The following AEN variants were observed in gnomAD, a reference collection of about 807,000 sequenced individuals.
AEN encodes apoptosis-enhancing nuclease.
In AEN, 21 loss-of-function variants were observed where a neutral mutation model predicts 17.7. That is an observed-to-expected ratio of 1.19 (90% CI 0.84 to 1.71). The LOEUF (loss-of-function observed/expected upper bound fraction) is 1.71, where lower values mean the gene tolerates loss of function less well. Ranked by LOEUF, AEN falls within the 40% of genes most tolerant of loss-of-function variation. The pLI, the probability that AEN is intolerant of heterozygous loss-of-function variation, is 0.00. For synonymous variants in AEN, 190 were observed against 173.0 expected (o/e 1.10, Z -0.77); for missense variants, 462 against 435.9 (o/e 1.06, Z -0.53).
In AEN at chr15:88,626,531, AGCAAGTGTGTGGCTATCGACTGTGAGATG is replaced by A. The variant is rs1567103984; in HGVS notation, c.324_352del (p.Lys109GlyfsTer26). 1 of 1,614,190 alleles carries A rather than the reference AGCAAGTGTGTGGCTATCGACTGTGAGATG, an allele frequency of 6.2e-7. No individual in the cohort carries two copies. The highest frequency in any genetic ancestry group is 8.5e-7 in the Non-Finnish European group (1 of 1,180,036). On this transcript the variant is annotated frameshift_variant, in exon 2 of 4. Coordinates refer to ENST00000332810, the MANE Select transcript of AEN (RefSeq NM_022767.4). LOFTEE classifies it high-confidence loss of function. ...CGGGAAAGCCTCAGGGCCCTTGCCC[AGCAAGTGTGTGGCTATCGACTGTGAGATG>A]GTGGGCACGGGACCCCGAGGGCGGG...
upstream of AEN, among the ~76,000 whole-genome samples, chr15:88,618,253 C>CT (rs2057754768): frequency 4.0e-5 from 2 of 49,650 alleles, no homozygotes; most frequent in Non-Finnish European, 1.9e-4. Flanking sequence ...TTCTTTTTTT[C>CT]TTCTTCAGCT....
intron 3 of AEN, 61 bp from the exon 4 acceptor site, chr15:88,629,997 C>G: frequency 1.9e-6 from 3 of 1,544,234 alleles, no homozygotes; most frequent in East Asian, 4.5e-5. Context: ...GGCCTTGCTT[C>G]TTGGGGTAAC....
At chr15:88,622,554 G>A (rs113681344) in intron 1 of AEN, among the ~76,000 whole-genome samples, 1,598 of 152,262 alleles carry the variant, frequency 0.01, 36 homozygotes, top group African/African-American at 0.036. Context: ...ACAAGAAAGG[G>A]CCATGATTGA....
chr15:88,630,367 A>C lies in AEN; in HGVS notation c.*73A>C. 2 of 1,417,810 alleles carry C rather than the reference A, an allele frequency of 1.4e-6. No individual in the cohort carries two copies. Among genetic ancestry groups the C allele is most frequent in the Non-Finnish European group, 1.9e-6 (2 of 1,034,262 alleles). The allele number at this position is 1,417,810 out of a possible 1,614,324, so 87.8% of individuals were successfully genotyped here. On this transcript the variant is annotated 3_prime_UTR_variant, in exon 4 of 4. Transcript: ENST00000332810. This position sits in a 1 kb window ranked among gnomAD's most constrained non-coding sequence, Gnocchi z 5.1. The stretch of plus-strand genomic sequence containing the variant: ...AGTGGGGGCCAGGAGAGCAGCGGGC[A>C]CTCCTTCCTGGGCAGGGTGGGGCAG...
chr15:88,606,848 C>A, the AEN span, among the ~76,000 whole-genome samples: 1 of 152,184 alleles, frequency 6.6e-6, no homozygotes, highest in Admixed American at 6.5e-5. Flanking sequence ...CCCCCCTCCA[C>A]CCCATGGCTT....
chr15:88,627,437 T>C (rs1291419151), intron 2 of AEN: 1 of 149,954 alleles, frequency 6.7e-6, no homozygotes, highest in East Asian at 2.0e-4. Flanking sequence ...AAAAAGGTAG[T>C]CCAGTTTTAC....
chr15:88,614,652 T>C, the AEN span, among the ~76,000 whole-genome samples: 1 of 152,168 alleles, frequency 6.6e-6, no homozygotes, highest in East Asian at 1.9e-4. Flanking sequence ...CAACTGCAGC[T>C]GTCAGGTTTC....
At position 88,626,444 on chromosome 15, in the gene AEN, A is replaced by T; in HGVS notation, c.235A>T (p.Ser79Cys). 6.2e-7 allele frequency: 1 copy of T among 1,613,776 alleles called. No homozygotes were observed. The highest frequency in any genetic ancestry group is 8.5e-7 in the Non-Finnish European group (1 of 1,179,950). The stretch of plus-strand genomic sequence containing the variant: ...AGCGACAGCAACTGAAGCTGCCAGC[A>T]GTGGGAAGCAGTGTCTGAGGGCTGG... ...GAATATEAAS[S>C]GKQCLRAGSG... Residue 79 changes from serine (S) to cysteine (C), a missense_variant, in exon 2 of 4, where the codon AGT (serine) becomes TGT (cysteine). Coordinates refer to ENST00000332810, the MANE Select transcript of AEN (RefSeq NM_022767.4).
intron 1 of AEN, 97 bp downstream of exon 1, chr15:88,621,479 C>T (rs1333335405): frequency 2.0e-5 from 3 of 152,416 alleles, no homozygotes; most frequent in East Asian, 3.9e-4. Context: ...CCGCCCCGGC[C>T]TGCGGCGGGG....
intron 1 of AEN, among the ~76,000 whole-genome samples, chr15:88,624,761 G>A (rs2057830101): frequency 6.6e-6 from 1 of 152,076 alleles, no homozygotes; most frequent in African/African-American, 2.4e-5. Context: ...GTGCATGCCT[G>A]TAATCCAGCT....
At chr15:88,622,810 C>T (rs2057804709) in intron 1 of AEN, among the ~76,000 whole-genome samples, 1 of 152,172 alleles carries the variant, frequency 6.6e-6, no homozygotes, top group South Asian at 2.1e-4. Flanking sequence ...TTTGGTTTTG[C>T]TTCCTTGTTT....
chr15:88,620,251 G>A (rs1394175063), upstream of AEN, among the ~76,000 whole-genome samples: 1 of 152,024 alleles, frequency 6.6e-6, no homozygotes, highest in Admixed American at 6.5e-5. Context: ...CTTAATTTAA[G>A]TGTCAATTTC....
upstream of AEN, among the ~76,000 whole-genome samples, chr15:88,619,533 C>G (rs2057764360): frequency 1.3e-5 from 2 of 152,042 alleles, no homozygotes; most frequent in Non-Finnish European, 2.9e-5. Context: ...ACTAAAAATA[C>G]AAAAATTAGC....
rs141606499 is a variant in AEN, at chr15:88,629,799, A to G, written c.742-259A>G. 2.7e-3 allele frequency among the ~76,000 whole-genome samples: 417 copies of G among 152,266 alleles called. 4 individuals are homozygous for G. The highest frequency in any genetic ancestry group is 9.6e-3 in the African/African-American group (397 of 41,554). The stretch of plus-strand genomic sequence containing the variant: ...GTACCTCTTGCTCCTGTTGGGCTTC[A>G]CATTTATTATTCATCTGATCTGCAA... On this transcript the variant is annotated intron_variant, in intron 3 of 3. Coordinates refer to ENST00000332810, the MANE Select transcript of AEN (RefSeq NM_022767.4).
At chr15:88,623,418 C>A (rs1567102154) in intron 1 of AEN, among the ~76,000 whole-genome samples, 1 of 152,164 alleles carries the variant, frequency 6.6e-6, no homozygotes. Flanking sequence ...CTTCCCATTT[C>A]TCTTAATCTC....
intron 2 of AEN, chr15:88,627,076 G>A (rs2057864036): frequency 3.3e-6 from 1 of 301,378 alleles, no homozygotes. Flanking sequence ...AGCCCACAGT[G>A]GCATCACGTT....
the AEN span, among the ~76,000 whole-genome samples, chr15:88,609,482 C>A: frequency 1.3e-5 from 2 of 152,010 alleles, no homozygotes; most frequent in Non-Finnish European, 2.9e-5. Flanking sequence ...ATGGAGTGGC[C>A]ACATTGAGGA....
At chr15:88,619,491 C>T (rs138277941), upstream of AEN, among the ~76,000 whole-genome samples, 1 of 152,110 alleles carries the variant, frequency 6.6e-6, no homozygotes, top group Non-Finnish European at 1.5e-5. Context: ...AGTTCGAGAC[C>T]AGCCTGACCA....
the AEN span, among the ~76,000 whole-genome samples, chr15:88,612,450 G>A: frequency 5.3e-5 from 8 of 152,192 alleles, no homozygotes; most frequent in Non-Finnish European, 1.0e-4. Flanking sequence ...CCCAGTACCT[G>A]CCTCTGTGCT....
Sources: gnomAD v4.1 joint callset for allele counts (sites outside exome capture counted in the v4.1 genomes callset) on GRCh38, gnomAD v4.1.1 for gene constraint, Gnocchi (gnomAD v3.1) non-coding constraint, MANE v1.5 for transcripts, NCBI Gene and HGNC (gene_info 2026-07-23, HGNC 2026-07-21) for gene names.